The following ABCA13 variants were observed in gnomAD, a reference collection of about 807,000 sequenced individuals.
The protein encoded by ABCA13 is ATP-binding cassette sub-family A member 13.
In ABCA13, 476 loss-of-function variants were observed where a neutral mutation model predicts 478.7. The ratio of observed to expected loss-of-function variants is 0.99; its 90% CI spans 0.92 to 1.07. ABCA13 has a LOEUF of 1.07. Among genes scored for constraint, ABCA13 ranks in the 50% least tolerant of loss-of-function variants. The pLI, the probability that ABCA13 is intolerant of heterozygous loss-of-function variation, is 0.00. For synonymous variants in ABCA13, 2,252 were observed against 2,158.9 expected, an observed-to-expected ratio of 1.04 and a Z score of -1.20; for missense variants, 6,060 against 5,910.6, an observed-to-expected ratio of 1.03 and a Z score of -0.83.
At chr7:48,288,128 C>A in intron 20 of ABCA13, 50 bp downstream of exon 20, 1 of 1,490,044 alleles carries the variant, frequency 6.7e-7, no homozygotes, top group Non-Finnish European at 9.4e-7. Context: ...GACTATTGGC[C>A]CTTGCAAGGC....
chr7:48,472,798 A>T (rs1424275605), intron 45 of ABCA13, among the ~76,000 whole-genome samples: 1 of 152,126 alleles, frequency 6.6e-6, no homozygotes, highest in Non-Finnish European at 1.5e-5. Flanking sequence ...CCATCTGTTT[A>T]GTGTACATGC....
rs907878922 is a variant in ABCA13 at position 48,456,147 on chromosome 7, T to C, written c.12815+861T>C. On this transcript the variant is annotated intron_variant, in intron 43 of 61. Coordinates refer to ENST00000435803, the MANE Select transcript of ABCA13 (RefSeq NM_152701.5). ...GAACTCAGTGATACTAGTTTACAACTGCACAAGCATACTGGCTAGGCTTTT... is the reference window on the plus strand; with the variant it reads ...GAACTCAGTGATACTAGTTTACAACCGCACAAGCATACTGGCTAGGCTTTT... 1.2e-4 allele frequency among the ~76,000 whole-genome samples: 19 copies of C among 152,244 alleles called. 1 individual carries two copies. The highest frequency in any genetic ancestry group is 1.2e-3 in the Admixed American group (19 of 15,284).
chr7:48,350,592 C>A, intron 29 of ABCA13, 51 bp from the exon 30 acceptor site: 1 of 1,502,024 alleles, frequency 6.7e-7, no homozygotes, highest in Non-Finnish European at 9.0e-7. Context: ...GAGTGGTAAG[C>A]ACTGGGGGGA....
chr7:48,420,635 G>T (rs1292955898), intron 41 of ABCA13, among the ~76,000 whole-genome samples: 1 of 152,080 alleles, frequency 6.6e-6, no homozygotes, highest in African/African-American at 2.4e-5. Context: ...TTGCCAAGGA[G>T]GTTCTGGATG....
chr7:48,570,289 C>G (rs1787485749), intron 55 of ABCA13, among the ~76,000 whole-genome samples: 1 of 144,376 alleles, frequency 6.9e-6, no homozygotes, highest in Non-Finnish European at 1.5e-5. Flanking sequence ...CTTTTGGATA[C>G]TGATTTCATT....
chr7:48,461,758 T>G (rs1391933810), intron 43 of ABCA13, among the ~76,000 whole-genome samples: 1 of 152,148 alleles, frequency 6.6e-6, no homozygotes, highest in African/African-American at 2.4e-5. Flanking sequence ...GAATCCCTGA[T>G]GACGACATTC....
chr7:48,226,068 T>C (rs553634251), intron 5 of ABCA13, among the ~76,000 whole-genome samples: 3 of 152,142 alleles, frequency 2.0e-5, no homozygotes, highest in South Asian at 4.2e-4. Context: ...TCATTAGAGT[T>C]GGGGAACTGT....
chr7:48,631,471 A>C (rs974060550), intron 59 of ABCA13, among the ~76,000 whole-genome samples: 2 of 151,958 alleles, frequency 1.3e-5, no homozygotes, highest in African/African-American at 4.8e-5. Context: ...GTAGGTGTAC[A>C]ATTTTATTTC....
intron 7 of ABCA13, among the ~76,000 whole-genome samples, chr7:48,232,209 T>C (rs1789255630): frequency 6.9e-6 from 1 of 145,854 alleles, no homozygotes; most frequent in Non-Finnish European, 1.5e-5. Flanking sequence ...TTAACTCCAT[T>C]TTCAGGTTAG....
intron 58 of ABCA13, among the ~76,000 whole-genome samples, chr7:48,597,076 C>T (rs534802987): frequency 2.6e-5 from 4 of 151,912 alleles, no homozygotes; most frequent in South Asian, 2.1e-4. Flanking sequence ...CTCAGCCTCC[C>T]GGGTAGCTGG....
chr7:48,194,348 T>C (rs1456941046), intron 2 of ABCA13, among the ~76,000 whole-genome samples: 1 of 148,280 alleles, frequency 6.7e-6, no homozygotes, highest in African/African-American at 2.5e-5. Context: ...ATGGTAATGA[T>C]TACGATGGAG....
In ABCA13 at chr7:48,198,316, G is replaced by A. The variant is rs565307926; in HGVS notation, c.243G>A (p.Arg81=). ...GCCTTCTTTGTAACACTGGATCAAG[G>A]TGTAGGAACTTCAGCTATGAAGGGT... is the stretch of plus-strand genomic sequence containing the variant. ...VQSLLCNTGS[R]CRNFSYEGSM... The change falls in exon 3 of 62, where the codon AGG becomes AGA. Residue 81 remains arginine, a synonymous_variant. Coordinates refer to ENST00000435803, the MANE Select transcript of ABCA13 (RefSeq NM_152701.5). 5.0e-6 allele frequency: 8 copies of A among 1,613,752 alleles called. No homozygotes were observed. In the South Asian group the frequency reaches 6.6e-5, roughly 13 times the overall value.
intron 6 of ABCA13, among the ~76,000 whole-genome samples, chr7:48,229,600 T>C (rs1163866076): frequency 6.6e-6 from 1 of 152,122 alleles, no homozygotes; most frequent in Admixed American, 6.5e-5. Context: ...ATGGCCTAAG[T>C]TCTCAAGTGT....
At chr7:48,392,328 T>A (rs1487412385) in intron 38 of ABCA13, among the ~76,000 whole-genome samples, 189 bp downstream of exon 38, 1 of 152,188 alleles carries the variant, frequency 6.6e-6, no homozygotes, top group Non-Finnish European at 1.5e-5. Flanking sequence ...AAGGCTTCTG[T>A]GGGAAGGCAT....
At chr7:48,194,797 AC>A (rs199617775) in intron 2 of ABCA13, among the ~76,000 whole-genome samples, 152,332 of 152,332 alleles carry the variant, frequency 1, 76,166 homozygotes, top group Non-Finnish European at 1. Flanking sequence ...AAAATGTAAA[AC>A]CCATGTGAGT....
At chr7:48,294,437 T>TTTG (rs1799058883) in intron 20 of ABCA13, among the ~76,000 whole-genome samples, 4 of 90,506 alleles carry the variant, frequency 4.4e-5, no homozygotes, top group East Asian at 7.4e-4. Context: ...TTTTTTTTTT[T>TTTG]TTTTGTTTTG....
rs1228681346 is a variant in ABCA13 at position 48,310,431 on chromosome 7, C to T, written c.9516+290C>T. On this transcript the variant is annotated intron_variant, in intron 24 of 61. Coordinates refer to ENST00000435803, the MANE Select transcript of ABCA13 (RefSeq NM_152701.5). ...GATCTCCATGCTCATTGTGGAAGGA[C>T]CCACTGCAAAAACACAGCACCGCTT... Among the ~76,000 whole-genome samples the T allele has an allele frequency of 3.3e-5, 5 of 152,240 alleles. No homozygotes were observed. The East Asian group carries it at 7.8e-4, about 24-fold the overall frequency.
At chr7:48,416,629 G>A (rs1820032498) in intron 41 of ABCA13, among the ~76,000 whole-genome samples, 1 of 152,100 alleles carries the variant, frequency 6.6e-6, no homozygotes, top group African/African-American at 2.4e-5. Context: ...GAGATGCCCT[G>A]GGAGGATCCC....
At chr7:48,586,858 T>A (rs7789689) in intron 56 of ABCA13, among the ~76,000 whole-genome samples, 1 of 151,948 alleles carries the variant, frequency 6.6e-6, no homozygotes, top group Non-Finnish European at 1.5e-5. Context: ...CTCAACATGC[T>A]TATTTATCTG....
Sources: gnomAD v4.1 joint callset for allele counts (sites outside exome capture counted in the v4.1 genomes callset) on GRCh38, gnomAD v4.1.1 for gene constraint, MANE v1.5 for transcripts, NCBI Gene and HGNC (gene_info 2026-07-23, HGNC 2026-07-21) for gene names.